The following LRRC1 variants were observed in gnomAD, a reference collection of about 807,000 sequenced individuals.
The protein encoded by LRRC1 is leucine-rich repeat-containing protein 1.
In LRRC1, 28 loss-of-function variants were observed where a neutral mutation model predicts 69.9. That is an observed-to-expected ratio of 0.40 (90% CI 0.30 to 0.55). The LOEUF (loss-of-function observed/expected upper bound fraction) is 0.55. Ranked by LOEUF, LRRC1 falls within the 20% of genes least tolerant of loss-of-function variation. The probability of loss-of-function intolerance (pLI) is 0.47; values close to 1 mark genes in which losing one functional copy is unlikely to be tolerated. For missense variants in LRRC1, 498 were observed against 609.0 expected (o/e 0.82, Z 1.92); for synonymous variants, 236 against 240.2 (o/e 0.98, Z 0.16).
chr6:53,906,140 G>T (rs1240199493), intron 10 of LRRC1, among the ~76,000 whole-genome samples: 3 of 152,128 alleles, frequency 2.0e-5, no homozygotes, highest in Non-Finnish European at 4.4e-5. Flanking sequence ...AACAGCTTTT[G>T]CAGTCATGAT....
intron 2 of LRRC1, among the ~76,000 whole-genome samples, chr6:53,876,384 T>C (rs1767070563): frequency 6.6e-6 from 1 of 152,130 alleles, no homozygotes; most frequent in African/African-American, 2.4e-5. Context: ...ATTCTGCCCC[T>C]GGCCCCTCCC....
At chr6:53,911,972 T>C (rs886620668) in intron 10 of LRRC1, among the ~76,000 whole-genome samples, 2 of 152,232 alleles carry the variant, frequency 1.3e-5, no homozygotes, top group African/African-American at 4.8e-5. Flanking sequence ...TAAGAAAGGC[T>C]ACTCTGGTGA....
At chr6:53,910,531 G>A (rs897482683) in intron 10 of LRRC1, among the ~76,000 whole-genome samples, 8 of 152,156 alleles carry the variant, frequency 5.3e-5, no homozygotes, top group African/African-American at 1.9e-4. Flanking sequence ...GAGACTGCCA[G>A]CATCAGTACA....
Position 53,795,286 on chromosome 6 carries a change from CA to C in LRRC1, c.32del (p.Asn11ThrfsTer48), listed in dbSNP as rs1464325910. The C allele has an allele frequency of 6.2e-7, 1 of 1,612,238 alleles. No homozygotes were observed. The highest frequency in any genetic ancestry group is 8.5e-7 in the Non-Finnish European group (1 of 1,179,734). ...TCCACTGCATCCCCCTGTGGCGGTGCAACCGTCATGTGGAGAGCATCGACAA... is the reference window on the plus strand; with the variant it reads ...TCCACTGCATCCCCCTGTGGCGGTGCACCGTCATGTGGAGAGCATCGACAA... MFHCIPLWRC[N>X]RHVESIDKRH... On this transcript the variant is annotated frameshift_variant, in exon 1 of 14. Coordinates refer to ENST00000370888, the MANE Select transcript of LRRC1 (RefSeq NM_018214.5). LOFTEE classifies it high-confidence loss of function.
In LRRC1 at chr6:53,795,195, A is replaced by G. The variant is rs1461269087; in HGVS notation, c.-62A>G. ...CGGACTGAGCGGAGCCGCCGGCCAG[A>G]GCGGGCTCGGAGCCCGGGTCTCCGC... On this transcript the variant is annotated 5_prime_UTR_variant, in exon 1 of 14. Transcript: ENST00000370888. 1.6e-5 allele frequency: 24 copies of G among 1,467,486 alleles called. No individual in the cohort carries two copies. Among genetic ancestry groups the G allele is most frequent in the Admixed American group, 1.5e-4 (7 of 45,706 alleles). The allele number at this position is 1,467,486 out of a possible 1,614,324, so 90.9% of individuals were successfully genotyped here. A position where few individuals can be genotyped will look rare whatever the true frequency, so the allele number is the denominator to read the frequency against.
chr6:53,854,289 A>C (rs575984103), intron 2 of LRRC1, among the ~76,000 whole-genome samples: 28 of 152,354 alleles, frequency 1.8e-4, no homozygotes, highest in African/African-American at 6.3e-4. Flanking sequence ...CCTATCCCTG[A>C]GAAGACTAAG....
At chr6:53,897,022 C>G (rs1019477407) in intron 6 of LRRC1, 130 bp downstream of exon 6, 2 of 671,476 alleles carry the variant, frequency 3.0e-6, no homozygotes, top group Non-Finnish European at 2.6e-6. Context: ...ACTAGAGAAC[C>G]AGCTTTATTT....
intron 2 of LRRC1, among the ~76,000 whole-genome samples, chr6:53,863,318 A>G (rs955624912): frequency 2.0e-5 from 3 of 152,026 alleles, no homozygotes; most frequent in Non-Finnish European, 4.4e-5. Context: ...AGGGTTTCCT[A>G]TTGTGACACC....
intron 1 of LRRC1, among the ~76,000 whole-genome samples, chr6:53,820,903 T>TA (rs1462872870): frequency 4.6e-5 from 7 of 152,180 alleles, no homozygotes; most frequent in Non-Finnish European, 8.8e-5. Flanking sequence ...TGTCAGCACT[T>TA]ACTATGGGAA....
chr6:53,883,385 A>G (rs1767364894), intron 4 of LRRC1, among the ~76,000 whole-genome samples: 1 of 152,192 alleles, frequency 6.6e-6, no homozygotes, highest in Admixed American at 6.5e-5. Flanking sequence ...TGTGCCCCTA[A>G]AGAACAGCTA....
At chr6:53,914,119 A>G (rs980263405) in intron 11 of LRRC1, 150 bp downstream of exon 11, 3 of 571,274 alleles carry the variant, frequency 5.3e-6, no homozygotes, top group South Asian at 4.8e-5. Flanking sequence ...GAGTTCCTTC[A>G]TAGGGGGGCT....
chr6:53,828,169 C>CAAAAAAAAAAAAAAAAA (rs35639473), intron 1 of LRRC1, among the ~76,000 whole-genome samples: 1 of 135,252 alleles, frequency 7.4e-6, no homozygotes, highest in Non-Finnish European at 1.6e-5. Flanking sequence ...GTTCAAAGGC[C>CAAAAAAAAAAAAAAAAA]AAAAAAAAAA....
chr6:53,814,275 TTTTTAA>T (rs1423045290), intron 1 of LRRC1, among the ~76,000 whole-genome samples: 1 of 152,224 alleles, frequency 6.6e-6, no homozygotes, highest in Non-Finnish European at 1.5e-5. Flanking sequence ...GTAGTGAAAC[TTTTTAA>T]AAAAAATTAG....
intron 13 of LRRC1, among the ~76,000 whole-genome samples, chr6:53,921,950 G>A (rs1488143805): frequency 6.6e-6 from 1 of 152,076 alleles, no homozygotes; most frequent in Non-Finnish European, 1.5e-5. Flanking sequence ...ACCTAGTTTG[G>A]TTCCCCCTAA....
chr6:53,797,965 C>G (rs1380328246), intron 1 of LRRC1, among the ~76,000 whole-genome samples: 3 of 152,208 alleles, frequency 2.0e-5, no homozygotes, highest in African/African-American at 7.2e-5. Context: ...TATTTAGTCT[C>G]TCCTGTTTTA....
intron 1 of LRRC1, among the ~76,000 whole-genome samples, chr6:53,836,266 A>G (rs1180070194): frequency 1.3e-5 from 2 of 152,134 alleles, no homozygotes; most frequent in Non-Finnish European, 2.9e-5. Flanking sequence ...TACCTAACCA[A>G]CGCACAGAAA....
intron 2 of LRRC1, among the ~76,000 whole-genome samples, chr6:53,872,051 T>A (rs1014542271): frequency 6.6e-6 from 1 of 152,190 alleles, no homozygotes; most frequent in South Asian, 2.1e-4. Context: ...GCATTTCTCC[T>A]GTTTTCCTTT....
chr6:53,797,751 A>G (rs1297558523), intron 1 of LRRC1, among the ~76,000 whole-genome samples: 1 of 152,070 alleles, frequency 6.6e-6, no homozygotes, highest in Non-Finnish European at 1.5e-5. Flanking sequence ...CCTTCTTTCC[A>G]CTGAAAGGCC....
At position 53,798,754 on chromosome 6, in the gene LRRC1, T is replaced by A. The variant is rs78422286; in HGVS notation, c.159+3339T>A. Among the ~76,000 whole-genome samples the A allele has an allele frequency of 0.014, 2,195 of 152,370 alleles. 189 individuals carry two copies. The East Asian group carries it at 0.25, about 17-fold the overall frequency. ...GCTCAATAAACAGTTATTTATCTGT[T>A]GAATGAATGTTGCCGAATCTTATAA... On this transcript the variant is annotated intron_variant, in intron 1 of 13. Transcript: ENST00000370888.
Sources: allele counts gnomAD v4.1 joint callset (sites outside exome capture counted in the v4.1 genomes callset), GRCh38; gene constraint gnomAD v4.1.1; transcripts MANE v1.5; gene names NCBI Gene and HGNC (gene_info 2026-07-23, HGNC 2026-07-21).